The following IMMP2L variants were observed in gnomAD, a reference collection of about 807,000 sequenced individuals.
The protein encoded by IMMP2L is mitochondrial inner membrane protease subunit 2.
In IMMP2L, 18 loss-of-function variants were observed where a neutral mutation model predicts 19.3. That is an observed-to-expected ratio of 0.93 (90% CI 0.64 to 1.38). The LOEUF (loss-of-function observed/expected upper bound fraction) is 1.38, where lower values mean the gene tolerates loss of function less well. Ranked by LOEUF, IMMP2L falls within the 40% of genes most tolerant of loss-of-function variation. The probability of loss-of-function intolerance (pLI) is 0.00; values close to 1 mark genes in which losing one functional copy is unlikely to be tolerated. For synonymous variants in IMMP2L, 76 were observed against 73.0 expected (o/e 1.04, Z -0.21); for missense variants, 233 against 218.2 (o/e 1.07, Z -0.43).
intron 3 of IMMP2L, among the ~76,000 whole-genome samples, chr7:111,428,398 A>T (rs576670512): frequency 6.6e-6 from 1 of 151,964 alleles, no homozygotes; most frequent in East Asian, 1.9e-4. Flanking sequence ...CTATATAAAA[A>T]TTGAATGATT....
chr7:111,521,319 C>T lies in IMMP2L; in HGVS notation c.129G>A (p.Ser43=), dbSNP rs780062892. ...GAAGTTATATCATTTTCACCTGCATCGATGCTCCTTCTACTCTTGCCACAC... is the reference window on the plus strand; with the variant it reads ...GAAGTTATATCATTTTCACCTGCATTGATGCTCCTTCTACTCTTGCCACAC... ...VACVARVEGA[S]MQPSLNPGGS... The change falls in exon 2 of 6, where the codon TCG becomes TCA. Residue 43 remains serine, a synonymous_variant. Transcript: ENST00000405709. 29 of 1,611,442 alleles carry T rather than the reference C, an allele frequency of 1.8e-5. 1 individual carries two copies. Among genetic ancestry groups the T allele is most frequent in the East Asian group, 4.5e-5 (2 of 44,870 alleles).
At chr7:111,461,107 T>G (rs754138835) in intron 3 of IMMP2L, among the ~76,000 whole-genome samples, 1 of 152,256 alleles carries the variant, frequency 6.6e-6, no homozygotes, top group Admixed American at 6.5e-5. Context: ...TAGTGCTGGA[T>G]AGTTGCTTTC....
chr7:110,795,797 C>G (rs1394082829), intron 5 of IMMP2L, among the ~76,000 whole-genome samples: 2 of 152,008 alleles, frequency 1.3e-5, no homozygotes, highest in Non-Finnish European at 2.9e-5. Context: ...TACTAAATCC[C>G]AGGCTCTGGG....
At chr7:111,274,478 C>G (rs927452489) in intron 3 of IMMP2L, among the ~76,000 whole-genome samples, 7 of 152,112 alleles carry the variant, frequency 4.6e-5, no homozygotes, top group Admixed American at 4.6e-4. Flanking sequence ...TCCCTCAAAG[C>G]CTGTCCCTCT....
At chr7:111,015,232 A>C (rs1056951809) in intron 3 of IMMP2L, among the ~76,000 whole-genome samples, 1 of 152,228 alleles carries the variant, frequency 6.6e-6, no homozygotes, top group Non-Finnish European at 1.5e-5. Context: ...TTAAAAAGGA[A>C]GGATAGCCTA....
chr7:110,745,742 C>T (rs1034033482), intron 5 of IMMP2L, among the ~76,000 whole-genome samples: 3 of 152,156 alleles, frequency 2.0e-5, no homozygotes, highest in African/African-American at 7.2e-5. Context: ...ACAGGAACTC[C>T]TCAAGGAAGC....
intron 5 of IMMP2L, among the ~76,000 whole-genome samples, chr7:110,717,620 A>G (rs1795311815): frequency 6.6e-6 from 1 of 152,236 alleles, no homozygotes; most frequent in African/African-American, 2.4e-5. Flanking sequence ...TGAACAAACA[A>G]ACCAAGATAG....
At chr7:111,488,646 G>C (rs1842845490) in intron 2 of IMMP2L, among the ~76,000 whole-genome samples, 1 of 152,134 alleles carries the variant, frequency 6.6e-6, no homozygotes, top group Admixed American at 6.5e-5. Flanking sequence ...GTGCGTGCAA[G>C]TACACATCTT....
At chr7:111,121,705 T>C (rs1563266224) in intron 3 of IMMP2L, among the ~76,000 whole-genome samples, 1 of 152,282 alleles carries the variant, frequency 6.6e-6, no homozygotes, top group Non-Finnish European at 1.5e-5. Flanking sequence ...AGAAATACCA[T>C]TTGACCCAGC....
At chr7:110,917,781 C>T (rs989031502) in intron 4 of IMMP2L, among the ~76,000 whole-genome samples, 1 of 151,878 alleles carries the variant, frequency 6.6e-6, no homozygotes, top group African/African-American at 2.4e-5. Context: ...AAATAAATTA[C>T]AAAAGAAAAA....
chr7:110,730,532 CTTTT>C (rs566137083), intron 5 of IMMP2L, among the ~76,000 whole-genome samples: 1 of 143,828 alleles, frequency 7.0e-6, no homozygotes. Flanking sequence ...TTTTCTTTTT[CTTTT>C]TTTTTTTTTT....
intron 3 of IMMP2L, among the ~76,000 whole-genome samples, chr7:111,004,509 T>C (rs1019068354): frequency 1.1e-4 from 17 of 152,102 alleles, no homozygotes; most frequent in Admixed American, 5.9e-4. Context: ...TATCACTGAG[T>C]AATAACTGGA....
intron 3 of IMMP2L, among the ~76,000 whole-genome samples, chr7:111,319,130 C>T (rs1036880831): frequency 6.6e-6 from 1 of 152,008 alleles, no homozygotes; most frequent in Non-Finnish European, 1.5e-5. Context: ...TCTGAGGGCA[C>T]GATTACACTT....
chr7:111,348,998 C>G (rs1483260994), intron 3 of IMMP2L, among the ~76,000 whole-genome samples: 1 of 152,076 alleles, frequency 6.6e-6, no homozygotes, highest in Non-Finnish European at 1.5e-5. Flanking sequence ...TCTGTGTGTA[C>G]TGGTTAATAC....
At chr7:111,334,137 C>T (rs1174612247) in intron 3 of IMMP2L, among the ~76,000 whole-genome samples, 2 of 151,810 alleles carry the variant, frequency 1.3e-5, no homozygotes, top group Non-Finnish European at 2.9e-5. Context: ...AATTTATCAT[C>T]TATACCATTT....
intron 3 of IMMP2L, among the ~76,000 whole-genome samples, chr7:111,404,931 T>C (rs1833789200): frequency 2.0e-5 from 3 of 152,112 alleles, no homozygotes; most frequent in African/African-American, 7.2e-5. Context: ...CCTTAATTCC[T>C]ACTTCACCTT....
chr7:110,677,971 T>A (rs1525671), intron 5 of IMMP2L, among the ~76,000 whole-genome samples: 1 of 151,846 alleles, frequency 6.6e-6, no homozygotes, highest in Non-Finnish European at 1.5e-5. Flanking sequence ...TCTGGAAGCA[T>A]GCTACTCTGC....
At chr7:110,961,770 A>T (rs1436349637) in intron 4 of IMMP2L, among the ~76,000 whole-genome samples, 1 of 151,914 alleles carries the variant, frequency 6.6e-6, no homozygotes, top group Non-Finnish European at 1.5e-5. Flanking sequence ...AGAGAAACCT[A>T]AAAAACACTG....
intron 3 of IMMP2L, among the ~76,000 whole-genome samples, chr7:110,984,278 T>A (rs1027920813): frequency 3.3e-5 from 5 of 150,920 alleles, no homozygotes; most frequent in Admixed American, 2.6e-4. Flanking sequence ...TTGAGTGGTA[T>A]GTTACTTATC....
Sources: gnomAD v4.1 joint callset for allele counts (sites outside exome capture counted in the v4.1 genomes callset) on GRCh38, gnomAD v4.1.1 for gene constraint, MANE v1.5 for transcripts, NCBI Gene and HGNC (gene_info 2026-07-23, HGNC 2026-07-21) for gene names.